BTBD17: variants seen among roughly 807,000 people sequenced by gnomAD.
BTBD17 encodes BTB domain containing 17.
A neutral mutation model predicts 36.9 loss-of-function variants in BTBD17; 26 were observed. That is an observed-to-expected ratio of 0.70 (90% CI 0.52 to 0.98). The LOEUF is 0.98. Ranked by LOEUF, BTBD17 falls within the 50% of genes least tolerant of loss-of-function variation. The probability of loss-of-function intolerance (pLI) is 0.00; values close to 1 mark genes in which losing one functional copy is unlikely to be tolerated. For missense variants in BTBD17, 630 were observed against 691.3 expected (o/e 0.91, Z 0.99); for synonymous variants, 341 against 338.0 (o/e 1.01, Z -0.10).
rs764422987 is a variant in BTBD17 at position 74,356,998 on chromosome 17, G to C, written c.1096C>G (p.Pro366Ala). 3 of 1,489,206 alleles carry C rather than the reference G, an allele frequency of 2.0e-6. No individual in the cohort carries two copies. Among genetic ancestry groups the C allele is most frequent in the Non-Finnish European group, 2.7e-6 (3 of 1,129,944 alleles). The allele number at this position is 1,489,206 out of a possible 1,614,324, so 92.2% of individuals were successfully genotyped here. A position where few individuals can be genotyped will look rare whatever the true frequency, so the allele number is the denominator to read the frequency against. Residue 366 changes from proline (P) to alanine (A), a missense_variant, in exon 3 of 3, where the codon CCC (proline) becomes GCC (alanine). Coordinates refer to ENST00000375366, the MANE Select transcript of BTBD17 (RefSeq NM_001080466.2). The surrounding 1 kb of genome is among the most constrained non-coding windows in gnomAD (Gnocchi z 4.3). ...WNVLFSPRWLPVSLRPVYADA... is the reference protein window; with the variant it reads ...WNVLFSPRWLAVSLRPVYADA... Reference sequence around the variant, plus strand: ...GCGTAAACGGGCCGCAGGCTGACGGGCAGCCAGCGCGGCGAGAAGAGCACG... The same window carrying C: ...GCGTAAACGGGCCGCAGGCTGACGGCCAGCCAGCGCGGCGAGAAGAGCACG...
chr17:74,357,752 TG>T lies in BTBD17; in HGVS notation c.363-22del. On this transcript the variant is annotated intron_variant, in intron 2 of 2. Transcript: ENST00000375366. This position sits in a 1 kb window ranked among gnomAD's most constrained non-coding sequence, Gnocchi z 8.4. ...GGTACCTGCGGGAGAGACCGAGAGG[TG>T]GGGCGGGGTCAGGGCGGTACCCACC... 6.6e-7 allele frequency: 1 copy of T among 1,515,054 alleles called. No individual in the cohort carries two copies. The highest frequency in any genetic ancestry group is 2.5e-5 in the East Asian group (1 of 39,798). 93.9% of individuals were successfully genotyped at this position (1,515,054 alleles called of 1,614,324 possible). A position where few individuals can be genotyped will look rare whatever the true frequency, so the allele number is the denominator to read the frequency against.
rs1409090550 is a variant in BTBD17, at chr17:74,357,930, T to C, written c.363-199A>G. Among the ~76,000 whole-genome samples, 3 of 152,212 alleles carry C rather than the reference T, an allele frequency of 2.0e-5. No individual in the cohort carries two copies. In the East Asian group the frequency reaches 5.8e-4, roughly 29 times the overall value. On this transcript the variant is annotated intron_variant, in intron 2 of 2. Transcript: ENST00000375366. The surrounding 1 kb of genome is among the most constrained non-coding windows in gnomAD (Gnocchi z 8.4). Reference sequence around the variant, plus strand: ...AGGCCATTCTTACTTCACAGGCTCTTCTTTCCGTTTCCGCGGTGATGTAGA... The same window carrying C: ...AGGCCATTCTTACTTCACAGGCTCTCCTTTCCGTTTCCGCGGTGATGTAGA...
At chr17:74,361,149 G>A (rs754793626) in intron 1 of BTBD17, among the ~76,000 whole-genome samples, 1 of 152,238 alleles carries the variant, frequency 6.6e-6, no homozygotes, top group Non-Finnish European at 1.5e-5. Context: ...TGGCCAGGCC[G>A]GCCCTTTGCT....
In BTBD17 at chr17:74,357,127, C is replaced by T. The variant is rs1437973041; in HGVS notation, c.967G>A (p.Ala323Thr). 1.3e-6 allele frequency: 2 copies of T among 1,523,674 alleles called. No individual in the cohort carries two copies. Among genetic ancestry groups the T allele is most frequent in the African/African-American group, 1.4e-5 (1 of 69,010 alleles). 94.4% of individuals were successfully genotyped at this position (1,523,674 alleles called of 1,614,324 possible). A position where few individuals can be genotyped will look rare whatever the true frequency, so the allele number is the denominator to read the frequency against. Residue 323 changes from alanine (A) to threonine (T), a missense_variant, in exon 3 of 3, where the codon GCC (alanine) becomes ACC (threonine). Transcript: ENST00000375366. This position sits in a 1 kb window ranked among gnomAD's most constrained non-coding sequence, Gnocchi z 8.4. Reference protein sequence around the residue: ...PRNYLAPAWGAPWVINNPARD... With the variant: ...PRNYLAPAWGTPWVINNPARD... Reference sequence around the variant, plus strand: ...GCCGGGTTGTTGATGACCCACGGGGCGCCCCAGGCGGGCGCGAGGTAGTTG... The same window carrying T: ...GCCGGGTTGTTGATGACCCACGGGGTGCCCCAGGCGGGCGCGAGGTAGTTG...
At chr17:74,361,949 C>T (rs996766013), upstream of BTBD17, 6 of 681,866 alleles carry the variant, frequency 8.8e-6, no homozygotes, top group Middle Eastern at 2.5e-4. Flanking sequence ...CTCCCTCCCC[C>T]ACTCAGCCTC....
Position 74,356,507 on chromosome 17 carries a change from C to G in BTBD17, c.*150G>C. On this transcript the variant is annotated 3_prime_UTR_variant, in exon 3 of 3. Transcript: ENST00000375366. The surrounding 1 kb of genome is among the most constrained non-coding windows in gnomAD (Gnocchi z 4.3). ...CTCTTGAAACCAGGCATCTTGTCTA[C>G]CACGCCTCACCTGGACTCCACCCCA... 2.4e-6 allele frequency: 3 copies of G among 1,246,970 alleles called. No homozygotes were observed. The highest frequency in any genetic ancestry group is 3.1e-6 in the Non-Finnish European group (3 of 977,614). The allele number at this position is 1,246,970 out of a possible 1,614,324, so 77.2% of individuals were successfully genotyped here.
At chr17:74,362,399 T>C (rs2054946348), upstream of BTBD17, among the ~76,000 whole-genome samples, 1 of 152,208 alleles carries the variant, frequency 6.6e-6, no homozygotes, top group African/African-American at 2.4e-5. Flanking sequence ...CAGAGATCTC[T>C]CGAATAGGGG....
rs182827726 is a variant in BTBD17 at position 74,357,910 on chromosome 17, A to G, written c.363-179T>C. 2.2e-4 allele frequency among the ~76,000 whole-genome samples: 34 copies of G among 152,322 alleles called. No homozygotes were observed. In the East Asian group the frequency reaches 5.8e-3, roughly 26 times the overall value. On this transcript the variant is annotated intron_variant, in intron 2 of 2. Coordinates refer to ENST00000375366, the MANE Select transcript of BTBD17 (RefSeq NM_001080466.2). This position sits in a 1 kb window ranked among gnomAD's most constrained non-coding sequence, Gnocchi z 8.4. Reference sequence around the variant, plus strand: ...TTCCTTTCAAGGACCCTTCCAGGCCATTCTTACTTCACAGGCTCTTCTTTC... The same window carrying G: ...TTCCTTTCAAGGACCCTTCCAGGCCGTTCTTACTTCACAGGCTCTTCTTTC...
In BTBD17 at chr17:74,356,550, G is replaced by T; in HGVS notation, c.*107C>A. The stretch of plus-strand genomic sequence containing the variant: ...CCACCCCAGCCCTAGGGTGGCCGGC[G>T]CCTGGCCATCCAGGGGACCAGGCTT... On this transcript the variant is annotated 3_prime_UTR_variant, in exon 3 of 3. Transcript: ENST00000375366. This position sits in a 1 kb window ranked among gnomAD's most constrained non-coding sequence, Gnocchi z 4.3. 1 of 1,347,212 alleles carries T rather than the reference G, an allele frequency of 7.4e-7. No homozygotes were observed. 83.5% of individuals were successfully genotyped at this position (1,347,212 alleles called of 1,614,324 possible).
At position 74,359,900 on chromosome 17, in the gene BTBD17, A is replaced by T. The variant is rs1216832516; in HGVS notation, c.362+69T>A. On this transcript the variant is annotated intron_variant, in intron 2 of 2. Coordinates refer to ENST00000375366, the MANE Select transcript of BTBD17 (RefSeq NM_001080466.2). Reference sequence around the variant, plus strand: ...ACCTCTAAGGGCCTGGGCTTCCCTGACCCTGTAGGTGGAGGAGCCGGGGGC... The same window carrying T: ...ACCTCTAAGGGCCTGGGCTTCCCTGTCCCTGTAGGTGGAGGAGCCGGGGGC... The T allele has an allele frequency of 4.6e-6, 7 of 1,517,182 alleles. No individual in the cohort carries two copies. In the East Asian group the frequency reaches 1.6e-4, roughly 34 times the overall value. The allele number at this position is 1,517,182 out of a possible 1,614,324, so 94.0% of individuals were successfully genotyped here. A position where few individuals can be genotyped will look rare whatever the true frequency, so the allele number is the denominator to read the frequency against.
In BTBD17 at chr17:74,357,201, A is replaced by C; in HGVS notation, c.893T>G (p.Leu298Arg). ...QAYQFHAASPLHYAKFFDVNG... is the reference protein window; with the variant it reads ...QAYQFHAASPRHYAKFFDVNG... The stretch of plus-strand genomic sequence containing the variant: ...GACGTCGAAGAACTTGGCGTAGTGC[A>C]GCGGCGACGCGGCGTGGAACTGGTA... Residue 298 changes from leucine to arginine, a missense_variant, in exon 3 of 3, where the codon CTG becomes CGG. Leu to Arg is a moderately radical substitution (Grantham distance 102). Coordinates refer to ENST00000375366, the MANE Select transcript of BTBD17 (RefSeq NM_001080466.2). This position sits in a 1 kb window ranked among gnomAD's most constrained non-coding sequence, Gnocchi z 8.4. 1 of 1,574,304 alleles carries C rather than the reference A, an allele frequency of 6.4e-7. No homozygotes were observed. Among genetic ancestry groups the C allele is most frequent in the Non-Finnish European group, 8.6e-7 (1 of 1,164,822 alleles).
At position 74,357,226 on chromosome 17, in the gene BTBD17, A is replaced by G. The variant is rs1279592154; in HGVS notation, c.868T>C (p.Tyr290His). Residue 290 changes from tyrosine (Y) to histidine (H), a missense_variant, in exon 3 of 3, where the codon TAC (tyrosine) becomes CAC (histidine). By Grantham distance (83) the Tyr-to-His change is moderately conservative (BLOSUM62 2). Coordinates refer to ENST00000375366, the MANE Select transcript of BTBD17 (RefSeq NM_001080466.2). This position sits in a 1 kb window ranked among gnomAD's most constrained non-coding sequence, Gnocchi z 8.4. ...PAVADLLLQA[Y>H]QFHAASPLHY... ...AGCGGCGACGCGGCGTGGAACTGGT[A>G]GGCCTGCAGCAGGAGGTCGGCCACC... is the stretch of plus-strand genomic sequence containing the variant. 1 of 1,576,906 alleles carries G rather than the reference A, an allele frequency of 6.3e-7. No homozygotes were observed. Among genetic ancestry groups the G allele is most frequent in the Middle Eastern group, 1.7e-4 (1 of 5,916 alleles).
At chr17:74,360,317 G>A (rs1193198422) in intron 1 of BTBD17, 72 bp from the exon 2 acceptor site, 2 of 1,469,034 alleles carry the variant, frequency 1.4e-6, no homozygotes, top group Non-Finnish European at 1.8e-6. Flanking sequence ...GGGTGGAGAG[G>A]GACCAGCTGG....
chr17:74,357,046 C>G lies in BTBD17; in HGVS notation c.1048G>C (p.Ala350Pro). The G allele has an allele frequency of 6.5e-7, 1 of 1,528,486 alleles. No individual in the cohort carries two copies. The highest frequency in any genetic ancestry group is 1.2e-5 in the South Asian group (1 of 82,568). 94.7% of individuals were successfully genotyped at this position (1,528,486 alleles called of 1,614,324 possible). The change falls in exon 3 of 3, where the codon GCG becomes CCG. Residue 350 changes from alanine to proline, a missense_variant. Ala to Pro is a conservative substitution (Grantham distance 27, BLOSUM62 -1). Transcript: ENST00000375366. This position sits in a 1 kb window ranked among gnomAD's most constrained non-coding sequence, Gnocchi z 8.4. ...QTQLGPSGHDAGRRVTWNVLF... is the reference protein window; with the variant it reads ...QTQLGPSGHDPGRRVTWNVLF... ...ACGTTCCAGGTGACCCGGCGGCCCG[C>G]GTCGTGGCCACTCGGGCCCAGCTGC... is the stretch of plus-strand genomic sequence containing the variant.
In BTBD17 at chr17:74,359,935, G is replaced by A. The variant is rs769441799; in HGVS notation, c.362+34C>T. 6.9e-6 allele frequency: 11 copies of A among 1,589,216 alleles called. No individual in the cohort carries two copies. The South Asian group carries it at 1.2e-4, about 18-fold the overall frequency. On this transcript the variant is annotated intron_variant, in intron 2 of 2. Coordinates refer to ENST00000375366, the MANE Select transcript of BTBD17 (RefSeq NM_001080466.2). Reference sequence around the variant, plus strand: ...TGGAGGAGCCGGGGGCTGAGGAAGGGATGAAGCCATCCCCTAGTCTTCCGC... The same window carrying A: ...TGGAGGAGCCGGGGGCTGAGGAAGGAATGAAGCCATCCCCTAGTCTTCCGC...
upstream of BTBD17, among the ~76,000 whole-genome samples, chr17:74,362,230 T>C (rs2054945363): frequency 6.6e-6 from 1 of 152,088 alleles, no homozygotes; most frequent in Non-Finnish European, 1.5e-5. Flanking sequence ...ACCCCAGGCC[T>C]CGGCCCTGGC....
rs1188337315 is a variant in BTBD17, at chr17:74,356,641, T to G, written c.*16A>C. ...AGGGACCACCTAGGCCAGGCCTTTA[T>G]TCCCAGACCCCGAGGCTACTTGGGG... On this transcript the variant is annotated 3_prime_UTR_variant, in exon 3 of 3. Coordinates refer to ENST00000375366, the MANE Select transcript of BTBD17 (RefSeq NM_001080466.2). The surrounding 1 kb of genome is among the most constrained non-coding windows in gnomAD (Gnocchi z 4.3). 1 of 1,486,576 alleles carries G rather than the reference T, an allele frequency of 6.7e-7. No homozygotes were observed. The highest frequency in any genetic ancestry group is 1.4e-5 in the South Asian group (1 of 72,618). 92.1% of individuals were successfully genotyped at this position (1,486,576 alleles called of 1,614,324 possible).
At chr17:74,358,611 CT>C (rs1567931445) in intron 2 of BTBD17, among the ~76,000 whole-genome samples, 1 of 147,206 alleles carries the variant, frequency 6.8e-6, no homozygotes, top group South Asian at 2.2e-4. Context: ...GCCCCCATTT[CT>C]TTTTTGCAGC....
At chr17:74,359,866 G>C in intron 2 of BTBD17, 103 bp downstream of exon 2, 1 of 1,188,210 alleles carries the variant, frequency 8.4e-7, no homozygotes, top group Non-Finnish European at 1.2e-6. Context: ...CGGGGAAATG[G>C]ACATAACAAC....
Sources: allele counts gnomAD v4.1 joint callset (sites outside exome capture counted in the v4.1 genomes callset), GRCh38; gene constraint gnomAD v4.1.1; non-coding constraint Gnocchi (gnomAD v3.1); transcripts MANE v1.5; gene names NCBI Gene and HGNC (gene_info 2026-07-23, HGNC 2026-07-21).